HSPG2: variants seen among roughly 807,000 people sequenced by gnomAD.
The protein encoded by HSPG2 is basement membrane-specific heparan sulfate proteoglycan core protein.
Under a neutral mutation model 526.6 loss-of-function variants are expected in HSPG2, and 278 were observed. The ratio of observed to expected loss-of-function variants is 0.53; its 90% CI spans 0.48 to 0.58. HSPG2 has a LOEUF of 0.58. HSPG2 is among the 20% of genes least tolerant of loss of function. The probability of loss-of-function intolerance (pLI) is 0.00; values close to 1 mark genes in which losing one functional copy is unlikely to be tolerated. For synonymous variants in HSPG2, 2,465 were observed against 2,555.4 expected (o/e 0.96, Z 1.07); for missense variants, 5,354 against 6,099.5 (o/e 0.88, Z 4.07).
At chr1:21,929,982 C>T (rs930435511) in intron 1 of HSPG2, among the ~76,000 whole-genome samples, 1 of 152,156 alleles carries the variant, frequency 6.6e-6, no homozygotes, top group Non-Finnish European at 1.5e-5. Flanking sequence ...TCCTATGGAA[C>T]ACCGGGCCCC....
In HSPG2 at chr1:21,842,677, G is replaced by GCTT; in HGVS notation, c.8910+92_8910+93insAAG. ...GTATTTTATCCCCTGGGGTCCCCAA[G>GCTT]CAGGCTGGTGTTTGCATGAGGTTTG... is the stretch of plus-strand genomic sequence containing the variant. On this transcript the variant is annotated intron_variant, in intron 67 of 96. Coordinates refer to ENST00000374695, the MANE Select transcript of HSPG2 (RefSeq NM_005529.7). 4 of 1,539,172 alleles carry GCTT rather than the reference G, an allele frequency of 2.6e-6. No individual in the cohort carries two copies. In the South Asian group the frequency reaches 4.5e-5, roughly 17 times the overall value.
intron 37 of HSPG2, among the ~76,000 whole-genome samples, chr1:21,862,774 A>G (rs1017243002): frequency 2.0e-5 from 3 of 151,818 alleles, no homozygotes; most frequent in Non-Finnish European, 4.4e-5. Context: ...GGGGCAGAGC[A>G]TTAAAAATGT....
chr1:21,920,785 C>T (rs868210664), intron 1 of HSPG2, among the ~76,000 whole-genome samples: 4 of 152,212 alleles, frequency 2.6e-5, no homozygotes, highest in South Asian at 4.1e-4. Context: ...TCCTGGACTT[C>T]GCCAGCAGCA....
chr1:21,912,979 C>CAA lies in HSPG2; in HGVS notation c.64-16671_64-16670dup, dbSNP rs34148570. Among the ~76,000 whole-genome samples the CAA allele has an allele frequency of 9.2e-5, 9 of 97,610 alleles. 1 individual carries two copies. Among genetic ancestry groups the CAA allele is most frequent in the Non-Finnish European group, 1.7e-4 (8 of 45,934 alleles). 64.0% of individuals were successfully genotyped at this position (97,610 alleles called of 152,430 possible). On this transcript the variant is annotated intron_variant, in intron 1 of 96. Transcript: ENST00000374695. The stretch of plus-strand genomic sequence containing the variant: ...TGGGCGAAAGAGTGAGGCTCTAGCT[C>CAA]AAAAAAAAAAAAAAAGCTGGATTAT...
chr1:21,918,895 CCTAA>C (rs757092466), intron 1 of HSPG2, among the ~76,000 whole-genome samples: 7 of 152,256 alleles, frequency 4.6e-5, no homozygotes, highest in East Asian at 1.9e-4. Flanking sequence ...ATGGGAGAAC[CCTAA>C]CTAAGTCCAG....
chr1:21,843,300 G>A lies in HSPG2; in HGVS notation c.8755C>T (p.Pro2919Ser). Residue 2919 changes from proline to serine, a missense_variant, in exon 66 of 97, where the codon CCT becomes TCT. By Grantham distance (74) the Pro-to-Ser change is moderately conservative. Coordinates refer to ENST00000374695, the MANE Select transcript of HSPG2 (RefSeq NM_005529.7). ...TIEPSSPGPI[P>S]APGLAQPIYI... Reference sequence around the variant, plus strand: ...CCCACTGCTCCCTATCACTCACCAGGAATGGGTCCTGGGCTGGAGGGCTCA... The same window carrying A: ...CCCACTGCTCCCTATCACTCACCAGAAATGGGTCCTGGGCTGGAGGGCTCA... 2 of 1,614,044 alleles carry A rather than the reference G, an allele frequency of 1.2e-6. No homozygotes were observed. Among genetic ancestry groups the A allele is most frequent in the African/African-American group, 2.7e-5 (2 of 75,066 alleles).
intron 1 of HSPG2, among the ~76,000 whole-genome samples, chr1:21,918,031 T>C (rs541008960): frequency 6.6e-6 from 1 of 152,234 alleles, no homozygotes; most frequent in East Asian, 1.9e-4. Flanking sequence ...AAACAAATAC[T>C]TACTATGTTG....
chr1:21,916,515 A>T (rs531916283), intron 1 of HSPG2, among the ~76,000 whole-genome samples: 15 of 151,890 alleles, frequency 9.9e-5, no homozygotes, highest in South Asian at 6.2e-4. Flanking sequence ...AAAAAAAATA[A>T]AAATAAATAA....
At position 21,841,291 on chromosome 1, in the gene HSPG2, C is replaced by A. The variant is rs371011609; in HGVS notation, c.9329-6G>T. 8.1e-6 allele frequency: 13 copies of A among 1,613,254 alleles called. No homozygotes were observed. Among genetic ancestry groups the A allele is most frequent in the Non-Finnish European group, 1.1e-5 (13 of 1,179,796 alleles). On this transcript the variant is annotated splice_polypyrimidine_tract_variant and splice_region_variant and intron_variant, in intron 70 of 96. Transcript: ENST00000374695. ...CACGGACACTGTAGGGGGCCCTGTGCGGAGGAATGACAACCACTGACACAC... is the reference window on the plus strand; with the variant it reads ...CACGGACACTGTAGGGGGCCCTGTGAGGAGGAATGACAACCACTGACACAC...
In HSPG2 at chr1:21,846,179, C is replaced by G. The variant is rs1638415324; in HGVS notation, c.8393G>C (p.Ser2798Thr). ...SGEYVCRVMG[S>T]SGPLEASVLV... The stretch of plus-strand genomic sequence containing the variant: ...GACTGAGGCCTCCAGGGGGCCAGAG[C>G]TGCCCATCACCCGGCACACGTATTC... Residue 2798 changes from serine to threonine, a missense_variant, in exon 64 of 97, where the codon AGC (serine) becomes ACC (threonine). Physicochemically the swap from Ser to Thr is moderately conservative, Grantham distance 58. Transcript: ENST00000374695. 1.2e-6 allele frequency: 2 copies of G among 1,613,108 alleles called. No individual in the cohort carries two copies. Among genetic ancestry groups the G allele is most frequent in the Non-Finnish European group, 1.7e-6 (2 of 1,180,002 alleles).
At chr1:21,930,566 G>C (rs905708911) in intron 1 of HSPG2, among the ~76,000 whole-genome samples, 1 of 152,132 alleles carries the variant, frequency 6.6e-6, no homozygotes, top group Admixed American at 6.5e-5. Flanking sequence ...TTGAGGTCAG[G>C]AGTTCAAGAC....
chr1:21,933,353 T>G (rs888463687), intron 1 of HSPG2, among the ~76,000 whole-genome samples: 2 of 152,120 alleles, frequency 1.3e-5, no homozygotes, highest in African/African-American at 4.8e-5. Flanking sequence ...GACCTAATTC[T>G]GAGCACCGCA....
intron 85 of HSPG2, 85 bp from the exon 86 acceptor site, chr1:21,830,176 C>T (rs1486286113): frequency 2.0e-5 from 22 of 1,108,948 alleles, no homozygotes; most frequent in Non-Finnish European, 2.8e-5. Flanking sequence ...GCCCATCACA[C>T]CCCGGGGGGC....
Position 21,831,229 on chromosome 1 carries a change from C to A in HSPG2, c.11548G>T (p.Asp3850Tyr). The change falls in exon 84 of 97, where the codon GAC (aspartate) becomes TAC (tyrosine). Residue 3850 changes from aspartate (D) to tyrosine (Y), a missense_variant. Asp to Tyr is a radical substitution (Grantham distance 160, BLOSUM62 -3). Transcript: ENST00000374695. ...TGTGGGGTCACCTGGCAGGGCCGGTCCCGACAGGTGGGGCAGTGGGAGATG... is the reference window on the plus strand; with the variant it reads ...TGTGGGGTCACCTGGCAGGGCCGGTACCGACAGGTGGGGCAGTGGGAGATG... ...HGISHCPTCR[D>Y]RPCQNGGQCH... 1 of 1,613,912 alleles carries A rather than the reference C, an allele frequency of 6.2e-7. No individual in the cohort carries two copies. The highest frequency in any genetic ancestry group is 8.5e-7 in the Non-Finnish European group (1 of 1,179,920).
chr1:21,906,731 TG>T (rs1553177636), intron 1 of HSPG2, among the ~76,000 whole-genome samples: 68 of 50,774 alleles, frequency 1.3e-3, no homozygotes, highest in Middle Eastern at 0.013. Flanking sequence ...GACTGGGGGG[TG>T]GGGGGGGGTC....
intron 76 of HSPG2, chr1:21,835,269 G>A (rs2098021785): frequency 3.4e-6 from 2 of 596,766 alleles, no homozygotes; most frequent in Middle Eastern, 4.5e-4. Flanking sequence ...GACTACAGGT[G>A]CGTTCCACCA....
At chr1:21,932,961 A>G (rs941076169) in intron 1 of HSPG2, among the ~76,000 whole-genome samples, 16 of 152,198 alleles carry the variant, frequency 1.1e-4, no homozygotes, top group Admixed American at 9.8e-4. Context: ...GCTCACGCCT[A>G]TAATCCTAGC....
rs1402385259 is a variant in HSPG2, at chr1:21,854,523, G to A, written c.6288+88C>T. On this transcript the variant is annotated intron_variant, in intron 49 of 96. Coordinates refer to ENST00000374695, the MANE Select transcript of HSPG2 (RefSeq NM_005529.7). Reference sequence around the variant, plus strand: ...GCTGGTGGAACGTGTGGGGCAGTGTGCCGCCTCCCCCGCCCAGCGTACAGG... The same window carrying A: ...GCTGGTGGAACGTGTGGGGCAGTGTACCGCCTCCCCCGCCCAGCGTACAGG... 4 of 1,469,524 alleles carry A rather than the reference G, an allele frequency of 2.7e-6. No individual in the cohort carries two copies. In the African/African-American group the frequency reaches 4.2e-5, roughly 15 times the overall value. 91.0% of individuals were successfully genotyped at this position (1,469,524 alleles called of 1,614,324 possible).
At chr1:21,831,390 C>T (rs937245097) in intron 83 of HSPG2, 66 bp from the exon 84 acceptor site, 4 of 1,602,424 alleles carry the variant, frequency 2.5e-6, no homozygotes, top group Non-Finnish European at 3.4e-6. Flanking sequence ...GAGGTGCCCT[C>T]CCAGGCTCTC....
Sources: allele counts gnomAD v4.1 joint callset (sites outside exome capture counted in the v4.1 genomes callset), GRCh38; gene constraint gnomAD v4.1.1; transcripts MANE v1.5; gene names NCBI Gene and HGNC (gene_info 2026-07-23, HGNC 2026-07-21).